The following BRCA2 variants were observed in gnomAD, a reference collection of about 807,000 sequenced individuals.
The protein encoded by BRCA2 is BRCA2 DNA repair associated.
BRCA2 carries 203 observed loss-of-function variants against 276.7 expected under a neutral mutation model. The ratio of observed to expected loss-of-function variants is 0.73; its 90% CI spans 0.65 to 0.82. The LOEUF (loss-of-function observed/expected upper bound fraction) is 0.82. Among genes scored for constraint, BRCA2 ranks in the 40% least tolerant of loss-of-function variants. The pLI is 0.00. For missense variants in BRCA2, 3,920 were observed against 3,915.0 expected (o/e 1.00, Z -0.03); for synonymous variants, 1,289 against 1,338.4 (o/e 0.96, Z 0.81).
Position 32,376,011 on chromosome 13 carries a change from A to G in BRCA2, c.8633-659A>G, listed in dbSNP as rs1287523215. Among the ~76,000 whole-genome samples, 5 of 152,218 alleles carry G rather than the reference A, an allele frequency of 3.3e-5. No homozygotes were observed. The East Asian group carries it at 5.8e-4, about 18-fold the overall frequency. On this transcript the variant is annotated intron_variant, in intron 20 of 26. Transcript: ENST00000380152. ...TCTGTGACAGAGACATGAAGTGAGC[A>G]CATACTGTTGCGAAAATGGCGCCAG... is the stretch of plus-strand genomic sequence containing the variant.
chr13:32,325,299 A>G (rs2072336496), intron 4 of BRCA2, 115 bp downstream of exon 4: 4 of 738,040 alleles, frequency 5.4e-6, no homozygotes, highest in Admixed American at 5.1e-5. Flanking sequence ...GCCTGGTAGA[A>G]GATCTTACAT....
Position 32,337,635 on chromosome 13 carries a change from A to C in BRCA2, c.3280A>C (p.Lys1094Gln), listed in dbSNP as rs690016539. 1 of 1,587,100 alleles carries C rather than the reference A, an allele frequency of 6.3e-7. No individual in the cohort carries two copies. The highest frequency in any genetic ancestry group is 1.8e-5 in the Admixed American group (1 of 54,804). ...TATAACCCCTCAGATGTTATTTTCC[A>C]AGCAGGATTTTAATTCAAACCATAA... ...SHITPQMLFS[K>Q]QDFNSNHNLT... The change falls in exon 11 of 27, where the codon AAG becomes CAG. Residue 1094 changes from lysine to glutamine, a missense_variant. Physicochemically the swap from Lys to Gln is moderately conservative, Grantham distance 53 (BLOSUM62 1). Around this residue, in one of 2 missense-constraint regions of BRCA2, gnomAD observed 3,263 missense variants for 3,156.9 expected, o/e 1.03. Coordinates refer to ENST00000380152, the MANE Select transcript of BRCA2 (RefSeq NM_000059.4).
intron 16 of BRCA2, among the ~76,000 whole-genome samples, chr13:32,359,427 A>G (rs1467552548): frequency 7.9e-5 from 12 of 152,120 alleles, no homozygotes; most frequent in Admixed American, 5.9e-4. Context: ...AAACAGCAAC[A>G]ATTTAGAAAC....
rs150042254 is a variant in BRCA2, at chr13:32,383,177, G to A, written c.9256+3032G>A. Among the ~76,000 whole-genome samples the A allele has an allele frequency of 3.8e-3, 575 of 152,262 alleles. 4 individuals are homozygous for A. Among genetic ancestry groups the A allele is most frequent in the African/African-American group, 0.013 (558 of 41,544 alleles). ...AGATGGAGACAATCCTGGATAACAC[G>A]GTGAAACCCCGTCTCTACTAAAAAT... On this transcript the variant is annotated intron_variant, in intron 24 of 26. Coordinates refer to ENST00000380152, the MANE Select transcript of BRCA2 (RefSeq NM_000059.4).
At chr13:32,328,349 C>T (rs927446344) in intron 7 of BRCA2, among the ~76,000 whole-genome samples, 2 of 151,178 alleles carry the variant, frequency 1.3e-5, no homozygotes, top group Non-Finnish European at 2.9e-5. Context: ...TCAGGCGATT[C>T]TCCTGCCTTA....
intron 11 of BRCA2, among the ~76,000 whole-genome samples, chr13:32,342,270 C>CA (rs58295304): frequency 0.16 from 21,767 of 133,366 alleles, 1,776 homozygotes; most frequent in Middle Eastern, 0.22. Context: ...GAGACTGTCT[C>CA]AAAAAAAAAA....
chr13:32,365,109 CTTTTTTTTTTTTT>C (rs57551462), intron 18 of BRCA2, among the ~76,000 whole-genome samples: 6 of 64,480 alleles, frequency 9.3e-5, no homozygotes, highest in African/African-American at 3.9e-4. Context: ...GCAGTGCATT[CTTTTTTTTTTTTT>C]TTTTTTTTTT....
At chr13:32,390,655 C>T (rs1284740082) in intron 24 of BRCA2, among the ~76,000 whole-genome samples, 1 of 152,160 alleles carries the variant, frequency 6.6e-6, no homozygotes, top group Non-Finnish European at 1.5e-5. Flanking sequence ...GTTAGATCCT[C>T]CTTCCTCCAG....
chr13:32,347,047 A>G lies in BRCA2; in HGVS notation c.7007+151A>G, dbSNP rs1269221210. The G allele has an allele frequency of 5.0e-6, 3 of 603,608 alleles. No individual in the cohort carries two copies. The African/African-American group carries it at 5.6e-5, about 11-fold the overall frequency. The allele number at this position is 603,608 out of a possible 1,614,324, so 37.4% of individuals were successfully genotyped here. On this transcript the variant is annotated intron_variant, in intron 13 of 26. Coordinates refer to ENST00000380152, the MANE Select transcript of BRCA2 (RefSeq NM_000059.4). ...TTATAAAATACTTTGGTAGTATTTT[A>G]TAGTGCTGTTCATATCATTATTTTA...
At chr13:32,358,445 C>T (rs1030261594) in intron 16 of BRCA2, among the ~76,000 whole-genome samples, 45 of 144,088 alleles carry the variant, frequency 3.1e-4, no homozygotes, top group African/African-American at 9.9e-4. Flanking sequence ...CACTGCACTC[C>T]AGGCTGGGCG....
Position 32,357,770 on chromosome 13 carries a change from G to A in BRCA2, c.7646G>A (p.Cys2549Tyr), listed in dbSNP as rs1555286395. The A allele has an allele frequency of 6.2e-7, 1 of 1,613,328 alleles. No homozygotes were observed. The highest frequency in any genetic ancestry group is 8.5e-7 in the Non-Finnish European group (1 of 1,179,568). ...TATACGTATGGCGTTTCTAAACATT[G>A]CATAAAAATTAACAGCAAAAATGCA... is the stretch of plus-strand genomic sequence containing the variant. ...QLYTYGVSKH[C>Y]IKINSKNAES... Residue 2549 changes from cysteine to tyrosine, a missense_variant, in exon 16 of 27, where the codon TGC (cysteine) becomes TAC (tyrosine). Physicochemically the swap from Cys to Tyr is radical, Grantham distance 194. This residue lies in a region of BRCA2 where 3,263 missense variants were observed against 3,156.9 expected (regional missense o/e 1.03). Transcript: ENST00000380152.
At chr13:32,327,249 A>G (rs1412726561) in intron 7 of BRCA2, among the ~76,000 whole-genome samples, 1 of 152,184 alleles carries the variant, frequency 6.6e-6, no homozygotes, top group African/African-American at 2.4e-5. Flanking sequence ...GGAGTTTGAG[A>G]GCAGCCTGTA....
intron 18 of BRCA2, among the ~76,000 whole-genome samples, chr13:32,367,839 C>G (rs754887219): frequency 6.6e-6 from 1 of 151,756 alleles, no homozygotes; most frequent in Non-Finnish European, 1.5e-5. Context: ...AGAAAAAAAT[C>G]AAGCATTTAT....
In BRCA2 at chr13:32,337,654, A is replaced by T. The variant is rs80358575; in HGVS notation, c.3299A>T (p.Asn1100Ile). ...MLFSKQDFNS[N>I]HNLTPSQKAE... ...TTTTCCAAGCAGGATTTTAATTCAA[A>T]CCATAATTTAACACCTAGCCAAAAG... The change falls in exon 11 of 27, where the codon AAC (asparagine) becomes ATC (isoleucine). Residue 1100 changes from asparagine (N) to isoleucine (I), a missense_variant. Asn to Ile is a moderately radical substitution (Grantham distance 149). Coordinates refer to ENST00000380152, the MANE Select transcript of BRCA2 (RefSeq NM_000059.4). 1.2e-5 allele frequency: 19 copies of T among 1,588,766 alleles called. No individual in the cohort carries two copies. In the Admixed American group the frequency reaches 1.3e-4, roughly 11 times the overall value.
intron 13 of BRCA2, among the ~76,000 whole-genome samples, chr13:32,351,155 T>C (rs559723741): frequency 1.2e-4 from 18 of 152,338 alleles, no homozygotes; most frequent in Middle Eastern, 3.4e-3. Flanking sequence ...CTTTGTTTTT[T>C]CACTCTTTGC....
chr13:32,328,938 C>T (rs1248753364), intron 7 of BRCA2, among the ~76,000 whole-genome samples: 2 of 152,124 alleles, frequency 1.3e-5, no homozygotes, highest in African/African-American at 4.8e-5. Flanking sequence ...TTAATTTATT[C>T]CCAAACCAGT....
chr13:32,396,939 G>A lies in BRCA2; in HGVS notation c.9543G>A (p.Met3181Ile), dbSNP rs2137659005. ...ILCNEAENKL[M>I]HILHANDPKW... is the part of the protein sequence containing the mutation. Reference sequence around the variant, plus strand: ...GCAATGAAGCAGAAAACAAGCTTATGCATATACTGCATGCAAATGATCCCA... The same window carrying A: ...GCAATGAAGCAGAAAACAAGCTTATACATATACTGCATGCAAATGATCCCA... Residue 3181 changes from methionine (M) to isoleucine (I), a missense_variant, in exon 26 of 27, where the codon ATG (methionine) becomes ATA (isoleucine). Met to Ile is a conservative substitution (Grantham distance 10). Coordinates refer to ENST00000380152, the MANE Select transcript of BRCA2 (RefSeq NM_000059.4). The A allele has an allele frequency of 6.2e-7, 1 of 1,614,068 alleles. No individual in the cohort carries two copies. Among genetic ancestry groups the A allele is most frequent in the East Asian group, 2.2e-5 (1 of 44,866 alleles).
intron 9 of BRCA2, among the ~76,000 whole-genome samples, chr13:32,331,815 G>A (rs1170683618): frequency 6.6e-6 from 1 of 151,884 alleles, no homozygotes; most frequent in Non-Finnish European, 1.5e-5. Flanking sequence ...GTGTATGTCT[G>A]TATAACTGTG....
chr13:32,360,874 G>A (rs189862250), intron 16 of BRCA2, among the ~76,000 whole-genome samples: 4 of 152,300 alleles, frequency 2.6e-5, no homozygotes, highest in East Asian at 3.9e-4. Flanking sequence ...GATATAAAAC[G>A]TGAGAGAGGA....
Sources: gnomAD v4.1 joint callset for allele counts (sites outside exome capture counted in the v4.1 genomes callset) on GRCh38, gnomAD v4.1.1 for gene constraint, gnomAD v4.1.1 regional missense constraint, MANE v1.5 for transcripts, NCBI Gene and HGNC (gene_info 2026-07-23, HGNC 2026-07-21) for gene names.